CMKLR1: variants seen among roughly 807,000 people sequenced by gnomAD.
The protein encoded by CMKLR1 is chemerin-like receptor 1.
CMKLR1 carries 6 observed loss-of-function variants against 8.2 expected under a neutral mutation model. That is an observed-to-expected ratio of 0.73 (90% CI 0.40 to 1.44). The LOEUF (loss-of-function observed/expected upper bound fraction) is 1.44. Ranked by LOEUF, CMKLR1 falls within the 40% of genes most tolerant of loss-of-function variation. The pLI, the probability that CMKLR1 is intolerant of heterozygous loss-of-function variation, is 0.02. For missense variants in CMKLR1, 429 were observed against 478.0 expected (o/e 0.90, Z 0.96); for synonymous variants, 178 against 181.2 (o/e 0.98, Z 0.14).
At chr12:108,305,616 C>A (rs150590177) in intron 2 of CMKLR1, among the ~76,000 whole-genome samples, 116 of 152,268 alleles carry the variant, frequency 7.6e-4, no homozygotes, top group African/African-American at 2.6e-3. Context: ...ATCCCTGTAT[C>A]CCCAGGCTCT....
intron 2 of CMKLR1, among the ~76,000 whole-genome samples, chr12:108,305,698 A>G (rs1891389555): frequency 6.6e-6 from 1 of 152,196 alleles, no homozygotes; most frequent in Non-Finnish European, 1.5e-5. Context: ...TGCCAGCCCC[A>G]GGACAGAATT....
chr12:108,303,959 G>C (rs1199351005), intron 2 of CMKLR1, among the ~76,000 whole-genome samples: 2 of 152,202 alleles, frequency 1.3e-5, no homozygotes, highest in African/African-American at 2.4e-5. Flanking sequence ...CCGTGGGTGA[G>C]AGCACACCTT....
chr12:108,332,746 T>C (rs1025589353), intron 1 of CMKLR1, among the ~76,000 whole-genome samples: 10 of 152,112 alleles, frequency 6.6e-5, no homozygotes, highest in African/African-American at 2.4e-4. Flanking sequence ...AAGCTCCCCC[T>C]TTTTATATGT....
chr12:108,336,070 G>A (rs562350761), intron 1 of CMKLR1, among the ~76,000 whole-genome samples: 4 of 152,310 alleles, frequency 2.6e-5, no homozygotes, highest in African/African-American at 7.2e-5. Context: ...AAACCTTATT[G>A]TGCAGCAAAG....
intron 2 of CMKLR1, among the ~76,000 whole-genome samples, chr12:108,317,381 A>G (rs1330940727): frequency 6.6e-6 from 1 of 152,200 alleles, no homozygotes; most frequent in Non-Finnish European, 1.5e-5. Flanking sequence ...CAGGTCCACT[A>G]TGAGACATAG....
chr12:108,332,402 T>C (rs1892131862), intron 1 of CMKLR1, among the ~76,000 whole-genome samples: 1 of 152,184 alleles, frequency 6.6e-6, no homozygotes, highest in South Asian at 2.1e-4. Context: ...GAGTGTCAAC[T>C]TGATTGGATT....
Position 108,289,070 on chromosome 12 carries a change from A to G in CMKLR1, c.*2771T>C, listed in dbSNP as rs1380623740. 1.3e-5 allele frequency: 2 copies of G among 151,362 alleles called. No homozygotes were observed. Among genetic ancestry groups the G allele is most frequent in the Non-Finnish European group, 2.9e-5 (2 of 68,036 alleles). 9.4% of individuals were successfully genotyped at this position (151,362 alleles called of 1,614,324 possible). A position where few individuals can be genotyped will look rare whatever the true frequency, so the allele number is the denominator to read the frequency against. On this transcript the variant is annotated 3_prime_UTR_variant, in exon 4 of 4. Coordinates refer to ENST00000550402, the MANE Select transcript of CMKLR1 (RefSeq NM_001142343.2). ...GAATGCCAGATCCCTTTCCTTCATC[A>G]TCATGCTCTGGGACCTTTCTGTCCC...
At chr12:108,310,892 G>A (rs1470827162) in intron 2 of CMKLR1, among the ~76,000 whole-genome samples, 1 of 152,184 alleles carries the variant, frequency 6.6e-6, no homozygotes, top group Non-Finnish European at 1.5e-5. Flanking sequence ...AGAACCTGCA[G>A]CTCACCAGGG....
intron 2 of CMKLR1, among the ~76,000 whole-genome samples, chr12:108,309,224 A>G (rs1891489165): frequency 6.6e-6 from 1 of 152,240 alleles, no homozygotes; most frequent in Non-Finnish European, 1.5e-5. Context: ...TACAATGAAT[A>G]TAATAGCAGG....
At chr12:108,328,572 C>T (rs924404535) in intron 2 of CMKLR1, among the ~76,000 whole-genome samples, 1 of 152,230 alleles carries the variant, frequency 6.6e-6, no homozygotes, top group Non-Finnish European at 1.5e-5. Flanking sequence ...GCAGCTGCCT[C>T]TATCCACCCG....
At position 108,292,943 on chromosome 12, in the gene CMKLR1, T is replaced by C. The variant is rs376509653; in HGVS notation, c.20A>G (p.Asp7Gly). 107 of 1,609,246 alleles carry C rather than the reference T, an allele frequency of 6.6e-5. No homozygotes were observed. Among genetic ancestry groups the C allele is most frequent in the Non-Finnish European group, 8.4e-5 (99 of 1,176,710 alleles). ...ACCGTAACTGATGGAAGTGTTGTAA[T>C]CTTCATCCTCCATTCTCTGCAAGAG... MRMEDE[D>G]YNTSISYGDE... The change falls in exon 4 of 4, where the codon GAT becomes GGT. Residue 7 changes from aspartate (D) to glycine (G), a missense_variant. Coordinates refer to ENST00000550402, the MANE Select transcript of CMKLR1 (RefSeq NM_001142343.2).
intron 2 of CMKLR1, among the ~76,000 whole-genome samples, chr12:108,326,041 C>T (rs979710907): frequency 2.0e-5 from 3 of 152,146 alleles, no homozygotes; most frequent in African/African-American, 7.2e-5. Flanking sequence ...ACCTCCGTGA[C>T]CTCCCAGGCC....
intron 1 of CMKLR1, among the ~76,000 whole-genome samples, chr12:108,332,887 T>TCC (rs1892141643): frequency 1.3e-5 from 2 of 152,026 alleles, no homozygotes; most frequent in Non-Finnish European, 1.5e-5. Flanking sequence ...GGTGGGAGGA[T>TCC]TACTTAAGCC....
intron 2 of CMKLR1, among the ~76,000 whole-genome samples, chr12:108,324,381 C>T (rs1226714234): frequency 5.9e-5 from 9 of 152,158 alleles, no homozygotes; most frequent in African/African-American, 9.7e-5. Flanking sequence ...CGCTTAACCT[C>T]CCCGTGCCCC....
chr12:108,308,165 A>G (rs1367891547), intron 2 of CMKLR1, among the ~76,000 whole-genome samples: 1 of 152,136 alleles, frequency 6.6e-6, no homozygotes, highest in African/African-American at 2.4e-5. Flanking sequence ...GTGTGACCTC[A>G]TAGAGGTTAC....
intron 2 of CMKLR1, among the ~76,000 whole-genome samples, chr12:108,324,313 G>T (rs565263861): frequency 1.3e-5 from 2 of 152,288 alleles, no homozygotes; most frequent in East Asian, 3.9e-4. Flanking sequence ...TGTAGTGAAG[G>T]CTGCCTGGAT....
chr12:108,309,541 A>AC lies in CMKLR1; in HGVS notation c.-73-15878_-73-15877insG, dbSNP rs541864181. The stretch of plus-strand genomic sequence containing the variant: ...CAGGGTGAGACCTCCATCTCCAAAA[A>AC]AAAAAAAAGCCAGTAGTGGGCAACG... On this transcript the variant is annotated intron_variant, in intron 2 of 3. Coordinates refer to ENST00000550402, the MANE Select transcript of CMKLR1 (RefSeq NM_001142343.2). Among the ~76,000 whole-genome samples the AC allele has an allele frequency of 2.3e-3, 350 of 152,222 alleles. 2 individuals carry two copies. The highest frequency in any genetic ancestry group is 7.8e-3 in the African/African-American group (324 of 41,494).
chr12:108,334,975 A>C (rs1274019075), intron 1 of CMKLR1, among the ~76,000 whole-genome samples: 2 of 152,186 alleles, frequency 1.3e-5, no homozygotes, highest in East Asian at 3.9e-4. Flanking sequence ...TGTTTCAGAA[A>C]AATCCATGTT....
At position 108,289,601 on chromosome 12, in the gene CMKLR1, G is replaced by T. The variant is rs1946; in HGVS notation, c.*2240C>A. On this transcript the variant is annotated 3_prime_UTR_variant, in exon 4 of 4. Coordinates refer to ENST00000550402, the MANE Select transcript of CMKLR1 (RefSeq NM_001142343.2). ...CATCCTACAAGCCAGGAGGGCCAAG[G>T]CGCTGACGACTGCTGCTGTGACCCG... 70,776 of 152,132 alleles carry T rather than the reference G, an allele frequency of 0.47. 17,211 individuals carry two copies. Among genetic ancestry groups the T allele is most frequent in the African/African-American group, 0.62 (25,569 of 41,494 alleles). The allele number at this position is 152,132 out of a possible 1,614,324, so 9.4% of individuals were successfully genotyped here. A position where few individuals can be genotyped will look rare whatever the true frequency, so the allele number is the denominator to read the frequency against.
Sources: allele counts gnomAD v4.1 joint callset (sites outside exome capture counted in the v4.1 genomes callset), GRCh38; gene constraint gnomAD v4.1.1; transcripts MANE v1.5; gene names NCBI Gene and HGNC (gene_info 2026-07-23, HGNC 2026-07-21).